CDH5: variants seen among roughly 807,000 people sequenced by gnomAD.
CDH5 encodes the protein cadherin-5.
In CDH5, 28 loss-of-function variants were observed where a neutral mutation model predicts 62.0. The ratio of observed to expected loss-of-function variants is 0.45; its 90% confidence interval spans 0.33 to 0.62. The LOEUF (loss-of-function observed/expected upper bound fraction) is 0.62, where lower values mean the gene tolerates loss of function less well. Ranked by LOEUF, CDH5 falls within the 20% of genes least tolerant of loss-of-function variation. The probability of loss-of-function intolerance (pLI) is 0.02; values close to 1 mark genes in which losing one functional copy is unlikely to be tolerated. For missense variants in CDH5, 940 were observed against 1,065.1 expected (o/e 0.88, Z 1.63); for synonymous variants, 464 against 445.8 (o/e 1.04, Z -0.52).
chr16:66,368,611 G>T (rs1207756090), intron 1 of CDH5, among the ~76,000 whole-genome samples: 1 of 152,218 alleles, frequency 6.6e-6, no homozygotes, highest in Non-Finnish European at 1.5e-5. Flanking sequence ...ACCCATGACT[G>T]TTCCCTGTAT....
rs775848869 is a variant in CDH5, at chr16:66,389,434, T to C, written c.693T>C (p.Asp231=). The C allele has an allele frequency of 3.1e-6, 5 of 1,613,274 alleles. No homozygotes were observed. Among genetic ancestry groups the C allele is most frequent in the Non-Finnish European group, 4.2e-6 (5 of 1,179,632 alleles). Residue 231 remains aspartate, a synonymous_variant, in exon 5 of 12, where the codon GAT becomes GAC. Transcript: ENST00000341529. ...ARYEIVVEAR[D]AQGLRGDSGT... ...ATGAGATCGTGGTGGAAGCGCGAGA[T>C]GCCCAGGGCCTCCGGGGGGACTCGG...
rs558524020 is a variant in CDH5, at chr16:66,388,027, T to G, written c.500-297T>G. Among the ~76,000 whole-genome samples, 6 of 152,286 alleles carry G rather than the reference T, an allele frequency of 3.9e-5. No individual in the cohort carries two copies. In the Middle Eastern group the frequency reaches 0.01, roughly 259 times the overall value. On this transcript the variant is annotated intron_variant, in intron 3 of 11. Transcript: ENST00000341529. ...TTCCAGGAGAGGGAGAAGCAGCTCA[T>G]TGCTGTCCTCCATTTCTCTCCCTGA...
chr16:66,398,940 C>G lies in CDH5; in HGVS notation c.1591+379C>G, dbSNP rs148542970. On this transcript the variant is annotated intron_variant, in intron 10 of 11. Transcript: ENST00000341529. ...GGTCAGAGACACTCCATCCAAACTC[C>G]CAAGTCCACGTCGCCTGCAAGGAGC... 1.1e-3 allele frequency among the ~76,000 whole-genome samples: 168 copies of G among 152,238 alleles called. 1 individual carries two copies. The highest frequency in any genetic ancestry group is 2.6e-3 in the African/African-American group (107 of 41,534).
chr16:66,381,169 T>C (rs1292307512), intron 2 of CDH5, among the ~76,000 whole-genome samples: 1 of 152,182 alleles, frequency 6.6e-6, no homozygotes, highest in African/African-American at 2.4e-5. Flanking sequence ...TCTAGGCCTT[T>C]GAACCTCCTC....
rs1960992356 is a variant in CDH5 at position 66,386,831 on chromosome 16, A to C, written c.233A>C (p.Lys78Thr). Reference sequence around the variant, plus strand: ...TAGATCAAGTCAAGCGTGAGTCGCAAGAATGCCAAGTACCTGCTCAAAGGA... The same window carrying C: ...TAGATCAAGTCAAGCGTGAGTCGCACGAATGCCAAGTACCTGCTCAAAGGA... ...VGKIKSSVSR[K>T]NAKYLLKGEY... Residue 78 changes from lysine (K) to threonine (T), a missense_variant, in exon 3 of 12, where the codon AAG becomes ACG. Physicochemically the swap from Lys to Thr is moderately conservative, Grantham distance 78. Coordinates refer to ENST00000341529, the MANE Select transcript of CDH5 (RefSeq NM_001795.5). 6.2e-7 allele frequency: 1 copy of C among 1,612,100 alleles called. No homozygotes were observed. The highest frequency in any genetic ancestry group is 1.3e-5 in the African/African-American group (1 of 75,044).
chr16:66,397,078 C>T (rs989026206), intron 8 of CDH5, among the ~76,000 whole-genome samples: 4 of 152,228 alleles, frequency 2.6e-5, no homozygotes, highest in Non-Finnish European at 5.9e-5. Context: ...GAGACAGTTA[C>T]TATTAGCACA....
At chr16:66,374,465 G>A (rs1222570600) in intron 1 of CDH5, among the ~76,000 whole-genome samples, 1 of 152,204 alleles carries the variant, frequency 6.6e-6, no homozygotes, top group Non-Finnish European at 1.5e-5. Flanking sequence ...GAGCTTGAGG[G>A]TGGCCCATGT....
intron 10 of CDH5, among the ~76,000 whole-genome samples, chr16:66,398,864 G>A (rs985101651): frequency 2.6e-5 from 4 of 152,210 alleles, no homozygotes; most frequent in African/African-American, 9.7e-5. Flanking sequence ...CAAATCATTA[G>A]ATATTTTGTA....
chr16:66,399,188 C>T (rs189504457), intron 10 of CDH5, among the ~76,000 whole-genome samples: 52 of 152,322 alleles, frequency 3.4e-4, no homozygotes, highest in African/African-American at 1.2e-3. Flanking sequence ...CGATTACTCA[C>T]GATTAGCAGG....
rs896684759 is a variant in CDH5, at chr16:66,389,673, A to G, written c.781+151A>G. On this transcript the variant is annotated intron_variant, in intron 5 of 11. Transcript: ENST00000341529. ...CCAAAGGAGTCCTTTGGGTGAAGGG[A>G]GGGGCCCTGCTTCCATCCCAATACC... 741 of 621,872 alleles carry G rather than the reference A, an allele frequency of 1.2e-3. 5 individuals are homozygous for G. The highest frequency in any genetic ancestry group is 4.5e-4 in the Middle Eastern group (1 of 2,200). The allele number at this position is 621,872 out of a possible 1,614,324, so 38.5% of individuals were successfully genotyped here.
chr16:66,394,328 C>A (rs1961137675), intron 7 of CDH5, among the ~76,000 whole-genome samples: 1 of 152,068 alleles, frequency 6.6e-6, no homozygotes, highest in Admixed American at 6.6e-5. Context: ...ATTTTACAAC[C>A]TTTACTTTTA....
rs745354152 is a variant in CDH5, at chr16:66,392,199, G to C, written c.1033G>C (p.Asp345His). ...CGTCGAGGCCACAGACCCCACCATC[G>C]ACCTCCGATACATGAGCCCTCCCGC... ...FIVEATDPTI[D>H]LRYMSPPAGN... Residue 345 changes from aspartate (D) to histidine (H), a missense_variant, in exon 7 of 12, where the codon GAC (aspartate) becomes CAC (histidine). Transcript: ENST00000341529. The C allele has an allele frequency of 4.3e-6, 7 of 1,613,936 alleles. No homozygotes were observed. The highest frequency in any genetic ancestry group is 4.5e-5 in the East Asian group (2 of 44,860).
At position 66,403,008 on chromosome 16, in the gene CDH5, G is replaced by C. The variant is rs746212904; in HGVS notation, c.2194G>C (p.Gly732Arg). 1 of 1,613,130 alleles carries C rather than the reference G, an allele frequency of 6.2e-7. No homozygotes were observed. The highest frequency in any genetic ancestry group is 8.5e-7 in the Non-Finnish European group (1 of 1,179,800). Residue 732 changes from glycine to arginine, a missense_variant, in exon 12 of 12, where the codon GGC becomes CGC. Transcript: ENST00000341529. This position sits in a 1 kb window ranked among gnomAD's most constrained non-coding sequence, Gnocchi z 4.3. The stretch of plus-strand genomic sequence containing the variant: ...CCCCTACGACACGCTGCACATCTAC[G>C]GCTACGAGGGCTCCGAGTCCATAGC... ...GPPYDTLHIY[G>R]YEGSESIAES...
intron 1 of CDH5, among the ~76,000 whole-genome samples, chr16:66,369,961 G>C (rs1439321466): frequency 1.3e-5 from 2 of 151,052 alleles, no homozygotes; most frequent in South Asian, 2.1e-4. Flanking sequence ...AGGGGTGTTT[G>C]CATATTCACT....
chr16:66,388,489 G>A (rs765246194), intron 4 of CDH5, 49 bp downstream of exon 4: 8 of 1,255,538 alleles, frequency 6.4e-6, no homozygotes, highest in Non-Finnish European at 9.3e-6. Context: ...GAGGGACAAG[G>A]GGAGGTGGAT....
chr16:66,390,483 C>A lies in CDH5; in HGVS notation c.862C>A (p.Pro288Thr). 2 of 1,614,110 alleles carry A rather than the reference C, an allele frequency of 1.2e-6. No individual in the cohort carries two copies. The highest frequency in any genetic ancestry group is 1.7e-6 in the Non-Finnish European group (2 of 1,180,004). Residue 288 changes from proline to threonine, a missense_variant, in exon 6 of 12, where the codon CCC becomes ACC. By Grantham distance (38) the Pro-to-Thr change is conservative. Coordinates refer to ENST00000341529, the MANE Select transcript of CDH5 (RefSeq NM_001795.5). ...GSLFVEDPDE[P>T]QNRMTKYSIL... ...TCTGTTTGTTGAGGACCCAGATGAG[C>A]CCCAGAACCGGATGACCAAGTACAG...
rs548661281 is a variant in CDH5, at chr16:66,400,594, T to C, written c.1592-177T>C. ...AGCAGCTGCCCCAAAATATCCCCTC[T>C]GTGGCGGAACAGACCTGCACTCAGA... On this transcript the variant is annotated intron_variant, in intron 10 of 11. Coordinates refer to ENST00000341529, the MANE Select transcript of CDH5 (RefSeq NM_001795.5). Among the ~76,000 whole-genome samples the C allele has an allele frequency of 3.3e-5, 5 of 152,274 alleles. No homozygotes were observed. The East Asian group carries it at 9.7e-4, about 29-fold the overall frequency.
At chr16:66,392,102 G>C in intron 6 of CDH5, 34 bp from the exon 7 acceptor site, 2 of 1,613,228 alleles carry the variant, frequency 1.2e-6, no homozygotes, top group Non-Finnish European at 1.7e-6. Context: ...GCTTGGCCCA[G>C]AGCAGGCACT....
intron 1 of CDH5, among the ~76,000 whole-genome samples, chr16:66,368,359 T>G (rs1038229595): frequency 6.6e-6 from 1 of 152,096 alleles, no homozygotes; most frequent in African/African-American, 2.4e-5. Context: ...CCTACCAATT[T>G]CAGCTTATGG....
Sources: allele counts gnomAD v4.1 joint callset (sites outside exome capture counted in the v4.1 genomes callset), GRCh38; gene constraint gnomAD v4.1.1; non-coding constraint Gnocchi (gnomAD v3.1); transcripts MANE v1.5; gene names NCBI Gene and HGNC (gene_info 2026-07-23, HGNC 2026-07-21).